The following FAM234A variants were observed in gnomAD, a reference collection of about 807,000 sequenced individuals.
FAM234A encodes family with sequence similarity 234 member A, also known as protein FAM234A.
Under a neutral mutation model 49.1 loss-of-function variants are expected in FAM234A, and 42 were observed. The ratio of observed to expected loss-of-function variants is 0.86; its 90% CI spans 0.67 to 1.11. The LOEUF (loss-of-function observed/expected upper bound fraction) is 1.11. Ranked by LOEUF, FAM234A falls within the 50% of genes least tolerant of loss-of-function variation. FAM234A has a pLI of 0.00. For missense variants in FAM234A, 815 were observed against 745.2 expected, an observed-to-expected ratio of 1.09 and a Z score of -1.09; for synonymous variants, 369 against 316.2, an observed-to-expected ratio of 1.17 and a Z score of -1.77.
intron 3 of FAM234A, 56 bp downstream of exon 3, chr16:254,737 G>T: frequency 6.4e-7 from 1 of 1,562,886 alleles, no homozygotes; most frequent in South Asian, 1.1e-5. Flanking sequence ...CCAGGGGATG[G>T]GGCGGAGGGG....
At chr16:237,885 G>A (rs2050457496) in intron 1 of FAM234A, among the ~76,000 whole-genome samples, 1 of 151,560 alleles carries the variant, frequency 6.6e-6, no homozygotes, top group Non-Finnish European at 1.5e-5. Context: ...TTTATTTTTA[G>A]TAAAGACGGG....
At chr16:244,191 A>G (rs1316534769) in intron 1 of FAM234A, among the ~76,000 whole-genome samples, 2 of 152,074 alleles carry the variant, frequency 1.3e-5, no homozygotes, top group African/African-American at 2.4e-5. Flanking sequence ...GATGGTCTCG[A>G]TCTCCTGACC....
chr16:246,083 T>C (rs566616019), intron 1 of FAM234A, among the ~76,000 whole-genome samples: 1 of 151,090 alleles, frequency 6.6e-6, no homozygotes, highest in African/African-American at 2.4e-5. Context: ...GGTGTGGTGG[T>C]GGGTGCCTAT....
At chr16:268,403 C>T (rs534347287), downstream of FAM234A, 335 of 330,952 alleles carry the variant, frequency 1.0e-3, 1 homozygote, top group Non-Finnish European at 1.7e-3. Flanking sequence ...GGGATGGCAC[C>T]GCCCTACCGC....
intron 1 of FAM234A, among the ~76,000 whole-genome samples, chr16:244,451 G>T (rs2050733419): frequency 6.6e-6 from 1 of 152,118 alleles, no homozygotes; most frequent in African/African-American, 2.4e-5. Flanking sequence ...GAACAAAATA[G>T]CTTCATATTA....
chr16:259,998 G>C lies in FAM234A; in HGVS notation c.415G>C (p.Ala139Pro). 1 of 1,613,590 alleles carries C rather than the reference G, an allele frequency of 6.2e-7. No individual in the cohort carries two copies. Residue 139 changes from alanine (A) to proline (P), a missense_variant, in exon 5 of 13, where the codon GCT (alanine) becomes CCT (proline). Transcript: ENST00000399932. ...GFSSPCTFAA[A>P]VSGANGSTLW... ...TTCCTCTCCCTGCACCTTTGCAGCT[G>C]CTGTGTCGGGGGCCAACGGCAGCAC...
intron 1 of FAM234A, 21 bp from the exon 2 acceptor site, chr16:249,528 A>G (rs2050923908): frequency 6.6e-6 from 1 of 152,002 alleles, no homozygotes; most frequent in East Asian, 1.9e-4. Context: ...TGCACTTGAC[A>G]AGTGGCTTTA....
At chr16:252,189 T>G (rs1478334021) in intron 2 of FAM234A, among the ~76,000 whole-genome samples, 10 of 145,646 alleles carry the variant, frequency 6.9e-5, no homozygotes, top group Non-Finnish European at 1.4e-4. Context: ...TTTTTTGTTT[T>G]TTTTTTTTTT....
intron 1 of FAM234A, among the ~76,000 whole-genome samples, chr16:245,024 G>A (rs531049249): frequency 6.6e-6 from 1 of 151,996 alleles, no homozygotes; most frequent in East Asian, 1.9e-4. Flanking sequence ...CACGACTATT[G>A]TACTGCAGAC....
chr16:261,239 G>T, intron 5 of FAM234A, 145 bp from the exon 6 acceptor site: 1 of 900,304 alleles, frequency 1.1e-6, no homozygotes, highest in Non-Finnish European at 1.7e-6. Flanking sequence ...CCCTCCTGTT[G>T]GCATCTGCTC....
intron 8 of FAM234A, 64 bp from the exon 9 acceptor site, chr16:263,198 C>T (rs1352239511): frequency 1.3e-6 from 2 of 1,585,096 alleles, no homozygotes; most frequent in Non-Finnish European, 8.6e-7. Flanking sequence ...GTGCCAGAGC[C>T]TCCACTGGGT....
intron 2 of FAM234A, among the ~76,000 whole-genome samples, chr16:253,004 G>A (rs1734467098): frequency 6.6e-6 from 1 of 152,244 alleles, no homozygotes; most frequent in Non-Finnish European, 1.5e-5. Context: ...TAGGACATCG[G>A]TTTGGTTGTT....
intron 2 of FAM234A, among the ~76,000 whole-genome samples, chr16:251,762 G>A (rs972543301): frequency 7.0e-6 from 1 of 143,322 alleles, no homozygotes; most frequent in Non-Finnish European, 1.5e-5. Context: ...CCAGCAGTTT[G>A]GGAGGCCAGT....
intron 1 of FAM234A, among the ~76,000 whole-genome samples, chr16:245,481 C>T (rs1333390975): frequency 2.6e-5 from 4 of 152,180 alleles, no homozygotes; most frequent in East Asian, 1.9e-4. Flanking sequence ...GTTATGAATT[C>T]GTTTCCTGTT....
Position 264,173 on chromosome 16 carries a change from T to A in FAM234A, c.1344+2T>A. 6.3e-7 allele frequency: 1 copy of A among 1,597,064 alleles called. No homozygotes were observed. The highest frequency in any genetic ancestry group is 8.5e-7 in the Non-Finnish European group (1 of 1,176,404). On this transcript the variant is annotated splice_donor_variant, in intron 11 of 12. Coordinates refer to ENST00000399932, the MANE Select transcript of FAM234A (RefSeq NM_032039.4). LOFTEE classifies it high-confidence loss of function. ...GAGCTGGGGAGCACCAGCGAGACGG[T>A]ACGGGAGCCACCCTCGGAGCAGCCA...
At chr16:253,332 C>T (rs899326553) in intron 2 of FAM234A, among the ~76,000 whole-genome samples, 1 of 152,108 alleles carries the variant, frequency 6.6e-6, no homozygotes, top group Non-Finnish European at 1.5e-5. Context: ...CCTGTCCTCC[C>T]CTGCGGACTT....
At chr16:264,262 G>A (rs368799634) in intron 11 of FAM234A, 91 bp downstream of exon 11, 9 of 1,308,344 alleles carry the variant, frequency 6.9e-6, no homozygotes, top group Admixed American at 5.1e-5. Context: ...GAAGCTCATC[G>A]GTGCCTGGGC....
intron 2 of FAM234A, among the ~76,000 whole-genome samples, chr16:249,922 CTA>C (rs1222226996): frequency 6.6e-6 from 1 of 151,916 alleles, no homozygotes; most frequent in East Asian, 1.9e-4. Flanking sequence ...CCAAAGGAAT[CTA>C]TGTTTTATTT....
chr16:264,036 C>T lies in FAM234A; in HGVS notation c.1209C>T (p.Gly403=). 6.2e-7 allele frequency: 1 copy of T among 1,613,082 alleles called. No individual in the cohort carries two copies. The highest frequency in any genetic ancestry group is 1.3e-5 in the African/African-American group (1 of 75,036). Residue 403 remains glycine, a synonymous_variant, in exon 11 of 13, where the codon GGC becomes GGT. Transcript: ENST00000399932. ...CCCAGATCCTGTTTCTGGACCTTGG[C>T]ACTGGAGCCGTCCTGTGTAGCCTAG... is the stretch of plus-strand genomic sequence containing the variant. ...TDRQILFLDL[G]TGAVLCSLAL...
Sources: allele counts gnomAD v4.1 joint callset (sites outside exome capture counted in the v4.1 genomes callset), GRCh38; gene constraint gnomAD v4.1.1; transcripts MANE v1.5; gene names NCBI Gene and HGNC (gene_info 2026-07-23, HGNC 2026-07-21).